Variants in CPB2 observed in about 807,000 individuals in gnomAD.
CPB2 encodes the protein carboxypeptidase B2.
Under a neutral mutation model 57.0 loss-of-function variants are expected in CPB2, and 54 were observed. The observed-to-expected ratio is 0.95, with a 90% CI of 0.76 to 1.19. CPB2 has a LOEUF of 1.19. Ranked by LOEUF, CPB2 falls within the 50% of genes most tolerant of loss-of-function variation. CPB2 has a pLI of 0.00. For synonymous variants in CPB2, 189 were observed against 178.1 expected (o/e 1.06, Z -0.49); for missense variants, 426 against 512.0 (o/e 0.83, Z 1.62).
chr13:46,102,540 C>CCA (rs2045447366), intron 1 of CPB2, among the ~76,000 whole-genome samples: 2 of 108,236 alleles, frequency 1.8e-5, no homozygotes, highest in African/African-American at 3.5e-5. Context: ...ATGATTATGA[C>CCA]AAAAAAAAAA....
intron 5 of CPB2, among the ~76,000 whole-genome samples, chr13:46,076,741 A>G (rs908647504): frequency 6.6e-6 from 1 of 152,208 alleles, no homozygotes; most frequent in Non-Finnish European, 1.5e-5. Context: ...AAACAGACAC[A>G]TGGACCAATG....
intron 3 of CPB2, 133 bp from the exon 4 acceptor site, chr13:46,082,682 T>TA: frequency 1.8e-6 from 1 of 550,868 alleles, no homozygotes; most frequent in Non-Finnish European, 3.3e-6. Context: ...TTCATCAAGG[T>TA]AAAAGTAAGA....
chr13:46,056,407 C>A (rs1436000812), intron 9 of CPB2, among the ~76,000 whole-genome samples: 1 of 152,148 alleles, frequency 6.6e-6, no homozygotes, highest in Non-Finnish European at 1.5e-5. Context: ...CATTTGACTT[C>A]ATTTTGTCTG....
intron 8 of CPB2, among the ~76,000 whole-genome samples, chr13:46,060,056 C>T (rs1246379912): frequency 3.3e-5 from 5 of 152,102 alleles, no homozygotes; most frequent in African/African-American, 1.2e-4. Flanking sequence ...GAAGACATAA[C>T]CACTAAATAG....
intron 2 of CPB2, among the ~76,000 whole-genome samples, chr13:46,084,888 T>G (rs920051151): frequency 8.6e-5 from 13 of 151,744 alleles, no homozygotes; most frequent in African/African-American, 2.9e-4. Flanking sequence ...AGTCTGGCTG[T>G]CTCCCAGGCT....
chr13:46,076,692 G>T (rs923068784), intron 5 of CPB2, among the ~76,000 whole-genome samples: 3 of 151,976 alleles, frequency 2.0e-5, no homozygotes, highest in Admixed American at 6.5e-5. Flanking sequence ...AACAGAATGA[G>T]CAAAGCTGGA....
chr13:46,064,912 A>G (rs950347816), intron 7 of CPB2, among the ~76,000 whole-genome samples, 171 bp from the exon 8 acceptor site: 5 of 152,156 alleles, frequency 3.3e-5, no homozygotes, highest in African/African-American at 1.2e-4. Context: ...CACGGTCCCT[A>G]TTGCTATCCG....
chr13:46,089,381 A>G (rs945099523), intron 1 of CPB2, among the ~76,000 whole-genome samples: 1 of 152,268 alleles, frequency 6.6e-6, no homozygotes, highest in East Asian at 1.9e-4. Context: ...GCCAATGGGA[A>G]TGCGTGGGAG....
intron 1 of CPB2, chr13:46,098,654 A>C (rs2045396649): frequency 6.6e-6 from 1 of 152,240 alleles, no homozygotes; most frequent in Non-Finnish European, 1.5e-5. Context: ...GCCCAACATG[A>C]TGCCTCCTCC....
chr13:46,057,000 A>G (rs2044706407), intron 9 of CPB2, among the ~76,000 whole-genome samples: 1 of 152,174 alleles, frequency 6.6e-6, no homozygotes, highest in East Asian at 1.9e-4. Flanking sequence ...GCCTTAGAGT[A>G]CAACTATTTG....
intron 6 of CPB2, chr13:46,073,389 C>G (rs376995754): frequency 1.4e-5 from 10 of 700,036 alleles, no homozygotes; most frequent in East Asian, 1.3e-4. Context: ...GATGCAAAAC[C>G]CTTCTTCAGG....
chr13:46,090,742 G>C (rs1158532741), intron 1 of CPB2, among the ~76,000 whole-genome samples: 1 of 128,730 alleles, frequency 7.8e-6, no homozygotes, highest in Non-Finnish European at 1.7e-5. Flanking sequence ...TTTTCTTTTT[G>C]AGACGGAGTC....
At chr13:46,064,975 A>G (rs1359042043) in intron 7 of CPB2, among the ~76,000 whole-genome samples, 1 of 152,230 alleles carries the variant, frequency 6.6e-6, no homozygotes, top group Non-Finnish European at 1.5e-5. Context: ...CATAATGGTA[A>G]TATTTGATCA....
intron 10 of CPB2, among the ~76,000 whole-genome samples, chr13:46,054,402 T>C (rs868700706): frequency 2.0e-5 from 3 of 152,200 alleles, no homozygotes; most frequent in African/African-American, 7.2e-5. Flanking sequence ...GAATTTTTTC[T>C]CCTTACTGAG....
chr13:46,093,716 G>T (rs2045327107), intron 1 of CPB2, among the ~76,000 whole-genome samples: 1 of 152,186 alleles, frequency 6.6e-6, no homozygotes, highest in Non-Finnish European at 1.5e-5. Flanking sequence ...ACAACACATT[G>T]TTAGCTTTGA....
chr13:46,089,816 T>C (rs1233372356), intron 1 of CPB2, among the ~76,000 whole-genome samples: 1 of 146,174 alleles, frequency 6.8e-6, no homozygotes, highest in African/African-American at 2.6e-5. Context: ...TGGTGCTTTG[T>C]CATGAACTTC....
chr13:46,054,399 T>C (rs1349326580), intron 10 of CPB2, among the ~76,000 whole-genome samples: 1 of 152,240 alleles, frequency 6.6e-6, no homozygotes, highest in East Asian at 1.9e-4. Flanking sequence ...CAAGAATTTT[T>C]TCTCCTTACT....
At chr13:46,054,383 C>T (rs1413629349) in intron 10 of CPB2, among the ~76,000 whole-genome samples, 1 of 151,924 alleles carries the variant, frequency 6.6e-6, no homozygotes, top group Non-Finnish European at 1.5e-5. Flanking sequence ...TTCATTTCTC[C>T]TTTCACAAGA....
At chr13:46,087,383 T>A (rs550251393) in intron 2 of CPB2, among the ~76,000 whole-genome samples, 1 of 152,370 alleles carries the variant, frequency 6.6e-6, no homozygotes, top group African/African-American at 2.4e-5. Context: ...GATGGGTGCC[T>A]GGGTGAGAAT....
Sources: gnomAD v4.1 joint callset for allele counts (sites outside exome capture counted in the v4.1 genomes callset) on GRCh38, gnomAD v4.1.1 for gene constraint, MANE v1.5 for transcripts, NCBI Gene and HGNC (gene_info 2026-07-23, HGNC 2026-07-21) for gene names.